The following CLEC5A variants were observed in gnomAD, a reference collection of about 807,000 sequenced individuals.
CLEC5A encodes the protein C-type lectin domain containing 5A.
CLEC5A carries 15 observed loss-of-function variants against 24.4 expected under a neutral mutation model. That is an observed-to-expected ratio of 0.62 (90% CI 0.41 to 0.95). The LOEUF is 0.95. Among genes scored for constraint, CLEC5A ranks in the 40% least tolerant of loss-of-function variants. The pLI is 0.00. For missense variants in CLEC5A, 211 were observed against 224.0 expected (o/e 0.94, Z 0.37); for synonymous variants, 71 against 72.6 (o/e 0.98, Z 0.11).
At chr7:141,933,764 AAGAG>A (rs1202213682) in intron 5 of CLEC5A, among the ~76,000 whole-genome samples, 27 of 151,742 alleles carry the variant, frequency 1.8e-4, no homozygotes, top group African/African-American at 6.3e-4. Flanking sequence ...TGCCCAGAGA[AAGAG>A]AGAGAGAACC....
At chr7:141,930,309 C>G (rs1802419550) in intron 6 of CLEC5A, 91 bp from the exon 7 acceptor site, 1 of 954,698 alleles carries the variant, frequency 1.0e-6, no homozygotes, top group Non-Finnish European at 1.6e-6. Flanking sequence ...CTTCCTGATT[C>G]CAGAGTGAGA....
At chr7:141,942,011 A>G (rs943241051) in intron 4 of CLEC5A, among the ~76,000 whole-genome samples, 3 of 152,050 alleles carry the variant, frequency 2.0e-5, no homozygotes, top group Non-Finnish European at 2.9e-5. Flanking sequence ...ACTCAAAGCA[A>G]TCTACAGATT....
intron 6 of CLEC5A, among the ~76,000 whole-genome samples, chr7:141,930,702 T>G (rs1802433587): frequency 6.6e-6 from 1 of 152,196 alleles, no homozygotes; most frequent in Non-Finnish European, 1.5e-5. Context: ...TTTCTGTCAT[T>G]CAGTCTGTTT....
chr7:141,931,816 T>C lies in CLEC5A; in HGVS notation c.356A>G (p.Gln119Arg), dbSNP rs1418660826. 2 of 1,549,418 alleles carry C rather than the reference T, an allele frequency of 1.3e-6. No homozygotes were observed. The highest frequency in any genetic ancestry group is 2.8e-5 in the African/African-American group (2 of 72,088). Reference protein sequence around the residue: ...VNTPEKLKFLQDITDAEKYFI... With the variant: ...VNTPEKLKFLRDITDAEKYFI... ...ATACTTCTCAGCATCAGTTATGTCC[T>C]GAAGAAACTTCTGGAAATAAAAAAA... is the stretch of plus-strand genomic sequence containing the variant. The change falls in exon 6 of 7, where the codon CAG becomes CGG. Residue 119 changes from glutamine to arginine, a missense_variant. By Grantham distance (43) the Gln-to-Arg change is conservative. Transcript: ENST00000546910.
intron 5 of CLEC5A, among the ~76,000 whole-genome samples, chr7:141,933,776 A>G (rs1227227622): frequency 2.0e-5 from 3 of 151,812 alleles, no homozygotes; most frequent in Non-Finnish European, 2.9e-5. Context: ...GAGAGAGAGA[A>G]CCAAGGCTGT....
chr7:141,943,507 A>G (rs1230821423), intron 4 of CLEC5A, among the ~76,000 whole-genome samples: 1 of 152,124 alleles, frequency 6.6e-6, no homozygotes, highest in African/African-American at 2.4e-5. Context: ...AATAAGATCT[A>G]GTATTTGCTG....
At chr7:141,944,748 A>G (rs1802902343) in intron 3 of CLEC5A, among the ~76,000 whole-genome samples, 1 of 152,220 alleles carries the variant, frequency 6.6e-6, no homozygotes, top group Non-Finnish European at 1.5e-5. Flanking sequence ...ATCTTAATGA[A>G]ACAAATTGGC....
At chr7:141,944,029 G>C in intron 3 of CLEC5A, 65 bp from the exon 4 acceptor site, 1 of 935,848 alleles carries the variant, frequency 1.1e-6, no homozygotes, top group Admixed American at 1.7e-5. Context: ...AGAAACATCA[G>C]AGTATGGGCT....
Position 141,935,881 on chromosome 7 carries a change from T to C in CLEC5A, c.278A>G (p.Asn93Ser), listed in dbSNP as rs1554441021. 6.2e-7 allele frequency: 1 copy of C among 1,613,780 alleles called. No individual in the cohort carries two copies. The highest frequency in any genetic ancestry group is 8.5e-7 in the Non-Finnish European group (1 of 1,179,632). Residue 93 changes from asparagine to serine, a missense_variant, in exon 5 of 7, where the codon AAT (asparagine) becomes AGT (serine). Coordinates refer to ENST00000546910, the MANE Select transcript of CLEC5A (RefSeq NM_013252.3). ...TCCTTTGCAAAAGTCCCTGCTTTCA[T>C]TCCAAGATGATTCAGAAGTGGATAA... The part of the protein sequence containing the change: ...FFLSTSESSW[N>S]ESRDFCKGKG...
chr7:141,936,033 T>C (rs1171703148), intron 4 of CLEC5A, 83 bp from the exon 5 acceptor site: 4 of 1,177,872 alleles, frequency 3.4e-6, no homozygotes, highest in Non-Finnish European at 5.0e-6. Context: ...CAGTGATACA[T>C]ATTTTTGCTT....
intron 3 of CLEC5A, 103 bp from the exon 4 acceptor site, chr7:141,944,067 A>G (rs1198569914): frequency 1.3e-6 from 1 of 763,530 alleles, no homozygotes; most frequent in East Asian, 2.5e-5. Flanking sequence ...GGAGATGACA[A>G]GAAGCTCTTG....
chr7:141,930,295 G>T, intron 6 of CLEC5A, 77 bp from the exon 7 acceptor site: 1 of 1,083,328 alleles, frequency 9.2e-7, no homozygotes, highest in Non-Finnish European at 1.4e-6. Context: ...TTTTAGCCCA[G>T]CCTCTTCCTG....
chr7:141,939,637 G>C (rs1358480937), intron 4 of CLEC5A, among the ~76,000 whole-genome samples: 1 of 151,990 alleles, frequency 6.6e-6, no homozygotes, highest in Non-Finnish European at 1.5e-5. Flanking sequence ...AAAGTACATA[G>C]AGTGGCTGAA....
At chr7:141,930,243 A>AAAAC in intron 6 of CLEC5A, 25 bp from the exon 7 acceptor site, 3 of 1,556,974 alleles carry the variant, frequency 1.9e-6, no homozygotes, top group African/African-American at 2.7e-5. Context: ...AAAACAAAAC[A>AAAAC]AAACAAACAA....
intron 3 of CLEC5A, 21 bp downstream of exon 3, chr7:141,945,320 A>T (rs1376331594): frequency 6.4e-7 from 1 of 1,570,986 alleles, no homozygotes; most frequent in Non-Finnish European, 8.8e-7. Flanking sequence ...TGGGGAGAAG[A>T]TTTACCACCA....
chr7:141,942,344 A>G (rs1318232469), intron 4 of CLEC5A, among the ~76,000 whole-genome samples: 2 of 152,152 alleles, frequency 1.3e-5, no homozygotes, highest in Non-Finnish European at 1.5e-5. Flanking sequence ...AGTGTCTTCA[A>G]TAAATGGTTC....
At position 141,927,958 on chromosome 7, in the gene CLEC5A, G is replaced by T. The variant is rs1219185248; in HGVS notation, c.*2146C>A. ...TATTACTACCCCATTTTATCAGTAAGGAAATTAAGACCAAGAAAGGGTAAG... is the reference window on the plus strand; with the variant it reads ...TATTACTACCCCATTTTATCAGTAATGAAATTAAGACCAAGAAAGGGTAAG... On this transcript the variant is annotated 3_prime_UTR_variant, in exon 7 of 7. Transcript: ENST00000546910. The T allele has an allele frequency of 6.6e-6, 1 of 152,018 alleles. No individual in the cohort carries two copies. Among genetic ancestry groups the T allele is most frequent in the Non-Finnish European group, 1.5e-5 (1 of 68,012 alleles). The allele number at this position is 152,018 out of a possible 1,614,324, so 9.4% of individuals were successfully genotyped here.
At chr7:141,936,043 T>C in intron 4 of CLEC5A, 93 bp from the exon 5 acceptor site, 1 of 1,079,276 alleles carries the variant, frequency 9.3e-7, no homozygotes, top group South Asian at 1.3e-5. Flanking sequence ...TATTTTTGCT[T>C]TGTTTTAACA....
intron 5 of CLEC5A, among the ~76,000 whole-genome samples, chr7:141,934,504 C>A (rs916345050): frequency 6.7e-6 from 1 of 150,296 alleles, no homozygotes; most frequent in African/African-American, 2.5e-5. Context: ...CTTGAAACAT[C>A]GAAGTGGAAT....
Sources: gnomAD v4.1 joint callset for allele counts (sites outside exome capture counted in the v4.1 genomes callset) on GRCh38, gnomAD v4.1.1 for gene constraint, MANE v1.5 for transcripts, NCBI Gene and HGNC (gene_info 2026-07-23, HGNC 2026-07-21) for gene names.